Variants in ZCCHC17 observed in about 807,000 individuals in gnomAD.
ZCCHC17 encodes the protein zinc finger CCHC-type containing 17.
In ZCCHC17, 18 loss-of-function variants were observed where a neutral mutation model predicts 30.6. The observed-to-expected ratio is 0.59, with a 90% confidence interval of 0.41 to 0.87. The LOEUF (loss-of-function observed/expected upper bound fraction) is 0.87. Among genes scored for constraint, ZCCHC17 ranks in the 40% least tolerant of loss-of-function variants. The pLI, the probability that ZCCHC17 is intolerant of heterozygous loss-of-function variation, is 0.00. For synonymous variants in ZCCHC17, 88 were observed against 92.4 expected (o/e 0.95, Z 0.27); for missense variants, 263 against 284.2 (o/e 0.93, Z 0.54).
chr1:31,329,342 A>G (rs188977767), intron 3 of ZCCHC17, among the ~76,000 whole-genome samples: 4 of 152,186 alleles, frequency 2.6e-5, no homozygotes, highest in Admixed American at 2.0e-4. Context: ...ACCCTATACA[A>G]TTATAAAGTT....
At chr1:31,357,325 G>A (rs1639679392) in intron 7 of ZCCHC17, among the ~76,000 whole-genome samples, 1 of 152,186 alleles carries the variant, frequency 6.6e-6, no homozygotes, top group South Asian at 2.1e-4. Context: ...GTTGCCCAGT[G>A]TTGCCTACTC....
intron 1 of ZCCHC17, among the ~76,000 whole-genome samples, chr1:31,305,230 C>T (rs1369913686): frequency 2.0e-5 from 3 of 152,088 alleles, no homozygotes; most frequent in African/African-American, 7.2e-5. Flanking sequence ...GGCAGCCTCA[C>T]TGGTCTGGGA....
intron 1 of ZCCHC17, among the ~76,000 whole-genome samples, chr1:31,303,119 C>A (rs371993099): frequency 4.8e-5 from 7 of 145,126 alleles, no homozygotes; most frequent in South Asian, 2.1e-4. Flanking sequence ...TCTACCCCCC[C>A]TCAAAAAAAA....
rs984145374 is a variant in ZCCHC17, at chr1:31,364,358, G to A, written c.*165G>A. 1.5e-4 allele frequency: 187 copies of A among 1,284,236 alleles called. No homozygotes were observed. Among genetic ancestry groups the A allele is most frequent in the Admixed American group, 9.3e-4 (32 of 34,466 alleles). The allele number at this position is 1,284,236 out of a possible 1,614,324, so 79.6% of individuals were successfully genotyped here. A position where few individuals can be genotyped will look rare whatever the true frequency, so the allele number is the denominator to read the frequency against. On this transcript the variant is annotated 3_prime_UTR_variant, in exon 8 of 8. Transcript: ENST00000344147. ...GCAACAGGCAGGTTTGGGAGTTAGA[G>A]GTCAAAAGCAGCTGCCTGAATGAGT...
Position 31,364,324 on chromosome 1 carries a change from T to C in ZCCHC17, c.*131T>C. The C allele has an allele frequency of 2.1e-6, 3 of 1,418,456 alleles. No individual in the cohort carries two copies. The South Asian group carries it at 5.0e-5, about 23-fold the overall frequency. 87.9% of individuals were successfully genotyped at this position (1,418,456 alleles called of 1,614,324 possible). Reference sequence around the variant, plus strand: ...AACTTCGCTCCCATGGGAGATGGCTTCCCCTCATGCAACAGGCAGGTTTGG... The same window carrying C: ...AACTTCGCTCCCATGGGAGATGGCTCCCCCTCATGCAACAGGCAGGTTTGG... On this transcript the variant is annotated 3_prime_UTR_variant, in exon 8 of 8. Transcript: ENST00000344147.
At chr1:31,323,062 C>A (rs910943092) in intron 3 of ZCCHC17, among the ~76,000 whole-genome samples, 1 of 152,112 alleles carries the variant, frequency 6.6e-6, no homozygotes, top group Non-Finnish European at 1.5e-5. Context: ...TCGTTGATTT[C>A]TCTGTTTCTG....
intron 7 of ZCCHC17, among the ~76,000 whole-genome samples, chr1:31,353,907 G>A (rs1232795340): frequency 6.6e-6 from 1 of 152,170 alleles, no homozygotes; most frequent in Non-Finnish European, 1.5e-5. Context: ...GGATCCTCCA[G>A]CTTTGTTCTT....
At chr1:31,343,110 C>G (rs553429856) in intron 5 of ZCCHC17, among the ~76,000 whole-genome samples, 50 of 152,288 alleles carry the variant, frequency 3.3e-4, no homozygotes, top group Admixed American at 5.9e-4. Flanking sequence ...GACTCTTGCT[C>G]TGTTACCCAG....
chr1:31,340,315 G>T (rs1569872802), intron 5 of ZCCHC17, among the ~76,000 whole-genome samples: 8 of 95,112 alleles, frequency 8.4e-5, no homozygotes, highest in Admixed American at 2.7e-4. Flanking sequence ...ATCTTGGAGG[G>T]TTTTTTTTTT....
intron 5 of ZCCHC17, among the ~76,000 whole-genome samples, chr1:31,345,567 A>T (rs1043581411): frequency 5.0e-5 from 5 of 99,542 alleles, no homozygotes; most frequent in African/African-American, 1.2e-4. Context: ...TATATAATAT[A>T]ATATATATAT....
Position 31,310,107 on chromosome 1 carries a change from AG to A in ZCCHC17, c.11del (p.Gly4GlufsTer23). MNS[G>X]RPETMENLPA... ...GCCATAGAATATTAAGGATGAATTCAGGAAGGCCTGAGACCATGGAAAACTT... is the reference window on the plus strand; with the variant it reads ...GCCATAGAATATTAAGGATGAATTCAGAAGGCCTGAGACCATGGAAAACTT... On this transcript the variant is annotated frameshift_variant, in exon 2 of 8. Transcript: ENST00000344147. LOFTEE classifies it high-confidence loss of function. 1 of 1,614,092 alleles carries A rather than the reference AG, an allele frequency of 6.2e-7. No individual in the cohort carries two copies. Among genetic ancestry groups the A allele is most frequent in the Non-Finnish European group, 8.5e-7 (1 of 1,179,964 alleles).
intron 3 of ZCCHC17, among the ~76,000 whole-genome samples, chr1:31,324,586 C>T (rs543254368): frequency 5.9e-5 from 9 of 152,386 alleles, no homozygotes; most frequent in Admixed American, 3.3e-4. Flanking sequence ...CCGGCTCCTG[C>T]TCTGATTTTG....
At chr1:31,300,119 G>T (rs1014155763) in intron 1 of ZCCHC17, among the ~76,000 whole-genome samples, 2 of 152,316 alleles carry the variant, frequency 1.3e-5, no homozygotes, top group South Asian at 4.1e-4. Context: ...GATTGCAGTG[G>T]CATGATTATG....
chr1:31,301,933 T>C (rs1352090505), intron 1 of ZCCHC17, among the ~76,000 whole-genome samples: 2 of 152,082 alleles, frequency 1.3e-5, no homozygotes, highest in Non-Finnish European at 2.9e-5. Flanking sequence ...AGTTTGACAT[T>C]TGAAAGTGTC....
At chr1:31,336,596 A>G (rs1270372677) in intron 3 of ZCCHC17, among the ~76,000 whole-genome samples, 1 of 152,028 alleles carries the variant, frequency 6.6e-6, no homozygotes, top group Non-Finnish European at 1.5e-5. Flanking sequence ...CCTTGCCTCA[A>G]GGTATTCTCC....
intron 5 of ZCCHC17, among the ~76,000 whole-genome samples, chr1:31,343,784 A>T (rs964799222): frequency 5.5e-5 from 8 of 144,344 alleles, no homozygotes; most frequent in African/African-American, 2.1e-4. Flanking sequence ...GGCTCAAGTG[A>T]TCCTCCTCCT....
chr1:31,334,832 T>C (rs1638750150), intron 3 of ZCCHC17, among the ~76,000 whole-genome samples: 1 of 152,240 alleles, frequency 6.6e-6, no homozygotes, highest in South Asian at 2.1e-4. Context: ...CTAATTGTTA[T>C]CCTTTGTTGT....
intron 4 of ZCCHC17, 97 bp from the exon 5 acceptor site, chr1:31,338,860 G>C: frequency 1.3e-6 from 1 of 741,932 alleles, no homozygotes; most frequent in East Asian, 2.7e-5. Flanking sequence ...CATTAAAGAA[G>C]CTCAATGTTA....
chr1:31,319,951 G>A (rs1646822841), intron 3 of ZCCHC17, among the ~76,000 whole-genome samples: 1 of 152,090 alleles, frequency 6.6e-6, no homozygotes, highest in Non-Finnish European at 1.5e-5. Flanking sequence ...AAACTTCACT[G>A]CAAAAATCAT....
Sources: allele counts gnomAD v4.1 joint callset (sites outside exome capture counted in the v4.1 genomes callset), GRCh38; gene constraint gnomAD v4.1.1; transcripts MANE v1.5; gene names NCBI Gene and HGNC (gene_info 2026-07-23, HGNC 2026-07-21).